Variants in PACSIN2 observed in about 807,000 individuals in gnomAD.
PACSIN2 encodes the protein protein kinase C and casein kinase substrate in neurons protein 2.
A neutral mutation model predicts 63.8 loss-of-function variants in PACSIN2; 25 were observed. The observed-to-expected ratio is 0.39, with a 90% CI of 0.29 to 0.55. PACSIN2 has a LOEUF of 0.55. PACSIN2 is among the 20% of genes least tolerant of loss of function. PACSIN2 has a pLI of 0.62. For missense variants in PACSIN2, 518 were observed against 646.9 expected (o/e 0.80, Z 2.16); for synonymous variants, 255 against 256.2 (o/e 1.00, Z 0.05).
chr22:42,908,211 C>G (rs973314801), intron 2 of PACSIN2, among the ~76,000 whole-genome samples: 1 of 152,212 alleles, frequency 6.6e-6, no homozygotes, highest in African/African-American at 2.4e-5. Context: ...GCAGAAATCC[C>G]GCCTCCGGGG....
At chr22:42,964,571 G>A (rs1377543549) in intron 1 of PACSIN2, among the ~76,000 whole-genome samples, 2 of 152,158 alleles carry the variant, frequency 1.3e-5, no homozygotes, top group Admixed American at 6.5e-5. Flanking sequence ...GCAAGGGCAA[G>A]GCAGGAGACC....
chr22:42,930,067 C>T (rs1466991201), intron 1 of PACSIN2, among the ~76,000 whole-genome samples: 2 of 152,156 alleles, frequency 1.3e-5, no homozygotes, highest in Admixed American at 6.5e-5. Context: ...GCACAAAGTT[C>T]GCCGTGTTAA....
At chr22:42,981,352 TG>T (rs1226747868) in intron 1 of PACSIN2, among the ~76,000 whole-genome samples, 18 of 130,658 alleles carry the variant, frequency 1.4e-4, no homozygotes, top group African/African-American at 4.6e-4. Context: ...GGGAGGGAGG[TG>T]GGGGGGGTCA....
chr22:42,903,160 C>T (rs1930819868), intron 2 of PACSIN2, among the ~76,000 whole-genome samples: 1 of 152,196 alleles, frequency 6.6e-6, no homozygotes, highest in South Asian at 2.1e-4. Flanking sequence ...CTAAGCCAAC[C>T]CACGTCCCAG....
chr22:43,014,469 C>T (rs1009989676), intron 1 of PACSIN2, among the ~76,000 whole-genome samples: 1 of 151,882 alleles, frequency 6.6e-6, no homozygotes. Context: ...GCGTCGCCCC[C>T]CAGGCCACCC....
intron 7 of PACSIN2, 108 bp from the exon 8 acceptor site, chr22:42,879,277 G>T: frequency 8.1e-7 from 1 of 1,228,354 alleles, no homozygotes; most frequent in Non-Finnish European, 1.1e-6. Flanking sequence ...CTGTGCATCT[G>T]ATGTGTAGAC....
intron 1 of PACSIN2, among the ~76,000 whole-genome samples, chr22:43,008,550 A>C (rs1476549573): frequency 6.6e-6 from 1 of 152,228 alleles, no homozygotes; most frequent in African/African-American, 2.4e-5. Context: ...CGCCCGGCCT[A>C]AGTTCAGTGT....
chr22:42,966,595 T>C (rs1486924458), intron 1 of PACSIN2, among the ~76,000 whole-genome samples: 2 of 152,206 alleles, frequency 1.3e-5, no homozygotes, highest in African/African-American at 4.8e-5. Context: ...TGAGACTAAT[T>C]AATGGAGACA....
intron 1 of PACSIN2, among the ~76,000 whole-genome samples, chr22:42,921,064 T>A (rs1034762416): frequency 2.0e-5 from 3 of 152,024 alleles, no homozygotes; most frequent in African/African-American, 7.2e-5. Flanking sequence ...GGGTCATTTT[T>A]AAAAATGTAT....
chr22:42,932,166 A>G (rs1477514031), intron 1 of PACSIN2, among the ~76,000 whole-genome samples: 1 of 152,146 alleles, frequency 6.6e-6, no homozygotes, highest in Non-Finnish European at 1.5e-5. Context: ...GTCCCAGCAC[A>G]GGATCTTCTC....
chr22:42,930,669 G>T (rs1436181804), intron 1 of PACSIN2, among the ~76,000 whole-genome samples: 2 of 152,188 alleles, frequency 1.3e-5, no homozygotes, highest in African/African-American at 2.4e-5. Flanking sequence ...CATGGTTTTG[G>T]TTATCCAATT....
intron 1 of PACSIN2, among the ~76,000 whole-genome samples, chr22:42,979,522 TCA>T (rs1491518004): frequency 3.5e-5 from 1 of 28,922 alleles, no homozygotes; most frequent in Admixed American, 5.0e-4. Context: ...AGACTCCCTC[TCA>T]AAAAAAAAAA....
intron 1 of PACSIN2, among the ~76,000 whole-genome samples, chr22:42,962,608 C>T (rs1920926067): frequency 6.6e-6 from 1 of 151,880 alleles, no homozygotes; most frequent in Admixed American, 6.6e-5. Context: ...GGGGTGAGGG[C>T]CACATCCAGC....
At chr22:42,935,980 G>A (rs1426252998) in intron 1 of PACSIN2, among the ~76,000 whole-genome samples, 4 of 152,032 alleles carry the variant, frequency 2.6e-5, no homozygotes, top group East Asian at 1.9e-4. Flanking sequence ...TTGGGAGGCC[G>A]AGGTGGGTGA....
At chr22:42,909,640 T>C in intron 2 of PACSIN2, 1 of 469,318 alleles carries the variant, frequency 2.1e-6, no homozygotes, top group Admixed American at 2.4e-5. Context: ...AAAGGAGATG[T>C]TCTTGTCTAC....
At chr22:42,978,852 T>C (rs1440344682) in intron 1 of PACSIN2, among the ~76,000 whole-genome samples, 1 of 152,212 alleles carries the variant, frequency 6.6e-6, no homozygotes, top group African/African-American at 2.4e-5. Context: ...GCATTCCAGC[T>C]GGGCTTTGGG....
At chr22:42,979,859 T>C (rs764209575) in intron 1 of PACSIN2, among the ~76,000 whole-genome samples, 2 of 152,224 alleles carry the variant, frequency 1.3e-5, no homozygotes, top group Non-Finnish European at 2.9e-5. Context: ...CCCAGTGTGC[T>C]GAAACACGTT....
intron 1 of PACSIN2, among the ~76,000 whole-genome samples, chr22:42,981,856 C>T (rs1177101584): frequency 1.8e-5 from 2 of 113,926 alleles, no homozygotes; most frequent in Admixed American, 7.9e-5. Flanking sequence ...CCAGCCGCCC[C>T]GTCCGGGAGG....
intron 1 of PACSIN2, among the ~76,000 whole-genome samples, chr22:42,980,063 G>T (rs1403591196): frequency 6.6e-6 from 1 of 151,314 alleles, no homozygotes; most frequent in African/African-American, 2.4e-5. Flanking sequence ...ATTAAAACAA[G>T]TTGTTAATTA....
Sources: allele counts gnomAD v4.1 joint callset (sites outside exome capture counted in the v4.1 genomes callset), GRCh38; gene constraint gnomAD v4.1.1; transcripts MANE v1.5; gene names NCBI Gene and HGNC (gene_info 2026-07-23, HGNC 2026-07-21).